SNTG1: variants seen among roughly 807,000 people sequenced by gnomAD.
SNTG1 encodes the protein gamma-1-syntrophin.
Under a neutral mutation model 74.7 loss-of-function variants are expected in SNTG1, and 39 were observed. The observed-to-expected ratio is 0.52, with a 90% CI of 0.40 to 0.68. The LOEUF (loss-of-function observed/expected upper bound fraction) is 0.68, where lower values mean the gene tolerates loss of function less well. Among genes scored for constraint, SNTG1 ranks in the 30% least tolerant of loss-of-function variants. The pLI is 0.00. For missense variants in SNTG1, 685 were observed against 609.5 expected, an observed-to-expected ratio of 1.12 and a Z score of -1.30; for synonymous variants, 254 against 217.1, an observed-to-expected ratio of 1.17 and a Z score of -1.49.
chr8:50,352,181 T>C (rs941647248), intron 2 of SNTG1, among the ~76,000 whole-genome samples: 3 of 152,182 alleles, frequency 2.0e-5, no homozygotes, highest in African/African-American at 7.2e-5. Context: ...AAGGTAGACC[T>C]ACCGAAATTA....
Position 50,689,142 on chromosome 8 carries a change from G to T in SNTG1, c.1039-15458G>T, listed in dbSNP as rs577543937. Among the ~76,000 whole-genome samples, 3 of 150,918 alleles carry T rather than the reference G, an allele frequency of 2.0e-5. No individual in the cohort carries two copies. In the South Asian group the frequency reaches 6.3e-4, roughly 32 times the overall value. ...CTGAAGTTGCTTATCAGCTTAAGGA[G>T]ATTTTGGGCTGAGACAATGGGGTTT... On this transcript the variant is annotated intron_variant, in intron 15 of 18. Coordinates refer to ENST00000642720, the MANE Select transcript of SNTG1 (RefSeq NM_018967.5).
chr8:50,332,238 C>T lies in SNTG1; in HGVS notation c.-27-61974C>T, dbSNP rs79615579. 7.2e-3 allele frequency among the ~76,000 whole-genome samples: 1,092 copies of T among 152,206 alleles called. 21 individuals carry two copies. Among genetic ancestry groups the T allele is most frequent in the East Asian group, 0.04 (207 of 5,176 alleles). ...TCTGTTTATGACATACATATTATTCCTATTCTTTTCCCCAATCCTGCATGT... is the reference window on the plus strand; with the variant it reads ...TCTGTTTATGACATACATATTATTCTTATTCTTTTCCCCAATCCTGCATGT... On this transcript the variant is annotated intron_variant, in intron 2 of 18. Coordinates refer to ENST00000642720, the MANE Select transcript of SNTG1 (RefSeq NM_018967.5).
intron 2 of SNTG1, among the ~76,000 whole-genome samples, chr8:50,349,449 T>C (rs968123881): frequency 3.3e-5 from 5 of 152,182 alleles, no homozygotes; most frequent in African/African-American, 1.2e-4. Flanking sequence ...ATACATGATC[T>C]ATATATTTTC....
At chr8:50,257,504 G>A (rs866689141) in intron 2 of SNTG1, among the ~76,000 whole-genome samples, 3 of 152,254 alleles carry the variant, frequency 2.0e-5, no homozygotes, top group Middle Eastern at 3.4e-3. Flanking sequence ...AACTAATTTC[G>A]AAGGGTGTTT....
intron 2 of SNTG1, among the ~76,000 whole-genome samples, chr8:50,274,242 A>G (rs940542816): frequency 6.6e-6 from 1 of 151,922 alleles, no homozygotes; most frequent in Non-Finnish European, 1.5e-5. Flanking sequence ...GCAGGCCACC[A>G]TGCCAGGCTA....
chr8:50,053,321 G>C (rs1819737672), intron 1 of SNTG1, among the ~76,000 whole-genome samples: 1 of 152,020 alleles, frequency 6.6e-6, no homozygotes, highest in Non-Finnish European at 1.5e-5. Context: ...ATTAAGCTAA[G>C]TGAAATAAGT....
chr8:50,715,943 T>C (rs1433405778), intron 17 of SNTG1, among the ~76,000 whole-genome samples: 1 of 152,220 alleles, frequency 6.6e-6, no homozygotes, highest in African/African-American at 2.4e-5. Flanking sequence ...AAATCGACAC[T>C]GATTTCTAGA....
intron 1 of SNTG1, among the ~76,000 whole-genome samples, chr8:49,958,483 G>A (rs1810384174): frequency 6.6e-6 from 1 of 151,570 alleles, no homozygotes; most frequent in African/African-American, 2.4e-5. Flanking sequence ...ACCCAGTGGT[G>A]TGATCTCGGC....
chr8:50,704,766 G>A lies in SNTG1; in HGVS notation c.1191+14G>A, dbSNP rs753798037. The A allele has an allele frequency of 6.8e-6, 11 of 1,613,552 alleles. No homozygotes were observed. Among genetic ancestry groups the A allele is most frequent in the Non-Finnish European group, 9.3e-6 (11 of 1,179,752 alleles). On this transcript the variant is annotated intron_variant, in intron 16 of 18. Transcript: ENST00000642720. ...GAACGGATACAGGTGAGAGTCTGTG[G>A]GACTGCAGGATGTGTGGCTCCCTCA...
chr8:50,173,314 G>A (rs1387158689), intron 2 of SNTG1, among the ~76,000 whole-genome samples: 1 of 152,150 alleles, frequency 6.6e-6, no homozygotes, highest in African/African-American at 2.4e-5. Flanking sequence ...GCTAGAAAAG[G>A]TTAGGATTGA....
At chr8:50,152,439 A>C (rs910990295) in intron 1 of SNTG1, among the ~76,000 whole-genome samples, 3 of 152,096 alleles carry the variant, frequency 2.0e-5, no homozygotes, top group African/African-American at 7.2e-5. Context: ...TGTGAATTTG[A>C]TCCTGTCATT....
At chr8:50,572,568 A>G (rs1192623465) in intron 12 of SNTG1, among the ~76,000 whole-genome samples, 1 of 152,208 alleles carries the variant, frequency 6.6e-6, no homozygotes, top group African/African-American at 2.4e-5. Flanking sequence ...TTTGAAAAGC[A>G]ACATGGCCTG....
intron 1 of SNTG1, among the ~76,000 whole-genome samples, chr8:49,919,498 C>T (rs1390353308): frequency 2.0e-5 from 3 of 152,080 alleles, no homozygotes; most frequent in African/African-American, 7.2e-5. Context: ...TTATCTACTG[C>T]TGAGGGAATA....
chr8:50,090,964 T>C (rs1377152156), intron 1 of SNTG1, among the ~76,000 whole-genome samples: 1 of 152,130 alleles, frequency 6.6e-6, no homozygotes, highest in African/African-American at 2.4e-5. Flanking sequence ...GTTTACTACT[T>C]TTAAAAATGC....
intron 13 of SNTG1, among the ~76,000 whole-genome samples, chr8:50,637,822 G>T (rs953974451): frequency 1.8e-4 from 27 of 151,476 alleles, no homozygotes; most frequent in Non-Finnish European, 7.4e-5. Context: ...TTATTTTATT[G>T]TTCAATTAAA....
At chr8:50,062,710 G>A (rs1820581888) in intron 1 of SNTG1, among the ~76,000 whole-genome samples, 2 of 152,068 alleles carry the variant, frequency 1.3e-5, no homozygotes, top group African/African-American at 4.8e-5. Flanking sequence ...TTCTTGGTCA[G>A]CATTGAATTT....
chr8:50,544,831 C>T (rs1175578884), intron 11 of SNTG1, among the ~76,000 whole-genome samples: 1 of 152,062 alleles, frequency 6.6e-6, no homozygotes, highest in African/African-American at 2.4e-5. Context: ...ATGTTTGATT[C>T]TTTCTCTGTA....
intron 18 of SNTG1, among the ~76,000 whole-genome samples, chr8:50,783,713 G>A (rs908417884): frequency 5.3e-5 from 8 of 152,124 alleles, no homozygotes; most frequent in Non-Finnish European, 7.4e-5. Flanking sequence ...AGTGTCCTGC[G>A]CCCACTGTCT....
intron 4 of SNTG1, among the ~76,000 whole-genome samples, chr8:50,432,743 C>A (rs1398852842): frequency 6.6e-6 from 1 of 151,274 alleles, no homozygotes; most frequent in African/African-American, 2.4e-5. Context: ...AGATTTATAC[C>A]AAAATATTTT....
Sources: gnomAD v4.1 joint callset for allele counts (sites outside exome capture counted in the v4.1 genomes callset) on GRCh38, gnomAD v4.1.1 for gene constraint, MANE v1.5 for transcripts, NCBI Gene and HGNC (gene_info 2026-07-23, HGNC 2026-07-21) for gene names.